DNAH9: variants seen among roughly 807,000 people sequenced by gnomAD.
DNAH9 encodes the protein DNAH9 variant protein.
In DNAH9, 345 loss-of-function variants were observed where a neutral mutation model predicts 471.6. The ratio of observed to expected loss-of-function variants is 0.73; its 90% CI spans 0.67 to 0.80. DNAH9 has a LOEUF of 0.80. Among genes scored for constraint, DNAH9 ranks in the 30% least tolerant of loss-of-function variants. The probability of loss-of-function intolerance (pLI) is 0.00; values close to 1 mark genes in which losing one functional copy is unlikely to be tolerated. For synonymous variants in DNAH9, 2,093 were observed against 2,123.6 expected (o/e 0.99, Z 0.40); for missense variants, 5,407 against 5,609.2 (o/e 0.96, Z 1.15).
At position 11,930,068 on chromosome 17, in the gene DNAH9, A is replaced by T. The variant is rs775867493; in HGVS notation, c.12080A>T (p.His4027Leu). The change falls in exon 63 of 69, where the codon CAC (histidine) becomes CTC (leucine). Residue 4027 changes from histidine to leucine, a missense_variant. His to Leu is a moderately conservative substitution (Grantham distance 99). Coordinates refer to ENST00000262442, the MANE Select transcript of DNAH9 (RefSeq NM_001372.4). ...CCCACGGGCATGCATGCCAACCTGC[A>T]CAAGGCCCTGGACAACTTCACTCAG... ...EPPTGMHANL[H>L]KALDNFTQDT... 1 of 1,614,138 alleles carries T rather than the reference A, an allele frequency of 6.2e-7. No homozygotes were observed. The highest frequency in any genetic ancestry group is 2.2e-5 in the East Asian group (1 of 44,866).
intron 11 of DNAH9, among the ~76,000 whole-genome samples, chr17:11,646,684 C>T (rs979251062): frequency 7.9e-5 from 12 of 152,080 alleles, no homozygotes; most frequent in African/African-American, 2.9e-4. Context: ...GAGGCCAAGG[C>T]GGGCAGATCA....
At chr17:11,828,366 G>A (rs1459929674) in intron 48 of DNAH9, among the ~76,000 whole-genome samples, 8 of 151,574 alleles carry the variant, frequency 5.3e-5, no homozygotes, top group East Asian at 1.9e-4. Context: ...CCAGCTACTC[G>A]GGAGGCTTAA....
At chr17:11,760,713 T>C (rs933245207) in intron 35 of DNAH9, among the ~76,000 whole-genome samples, 3 of 151,998 alleles carry the variant, frequency 2.0e-5, no homozygotes, top group Non-Finnish European at 2.9e-5. Flanking sequence ...AGAAACGGAG[T>C]TTCACCATGT....
Position 11,611,696 on chromosome 17 carries a change from G to A in DNAH9, c.820G>A (p.Val274Met). Residue 274 changes from valine to methionine, a missense_variant, in exon 4 of 69, where the codon GTG becomes ATG. Physicochemically the swap from Val to Met is conservative, Grantham distance 21. Coordinates refer to ENST00000262442, the MANE Select transcript of DNAH9 (RefSeq NM_001372.4). ...YIYNQLRTIT[V>M]RGMAKLLDKL... ...CTATAATCAACTGAGAACAATAACG[G>A]TGAGGGGCATGGCCAAGCTCCTGGA... The A allele has an allele frequency of 6.2e-7, 1 of 1,613,896 alleles. No individual in the cohort carries two copies. The highest frequency in any genetic ancestry group is 8.5e-7 in the Non-Finnish European group (1 of 1,179,746).
chr17:11,773,345 AAC>A (rs1180695721), intron 38 of DNAH9, among the ~76,000 whole-genome samples: 1 of 152,188 alleles, frequency 6.6e-6, no homozygotes, highest in Non-Finnish European at 1.5e-5. Flanking sequence ...AAAGGGGAGA[AAC>A]AGCCTAATTG....
chr17:11,822,887 A>C lies in DNAH9; in HGVS notation c.9099A>C (p.Glu3033Asp). 2 of 1,614,262 alleles carry C rather than the reference A, an allele frequency of 1.2e-6. No homozygotes were observed. The highest frequency in any genetic ancestry group is 1.7e-6 in the Non-Finnish European group (2 of 1,180,046). Reference protein sequence around the residue: ...NQTSQSYLSNEQRYNYTTPKS... With the variant: ...NQTSQSYLSNDQRYNYTTPKS... Reference sequence around the variant, plus strand: ...CATCCCAGTCTTATCTGAGCAATGAACAGCGCTACAACTATACAACTCCCA... The same window carrying C: ...CATCCCAGTCTTATCTGAGCAATGACCAGCGCTACAACTATACAACTCCCA... Residue 3033 changes from glutamate (E) to aspartate (D), a missense_variant, in exon 48 of 69, where the codon GAA (glutamate) becomes GAC (aspartate). Coordinates refer to ENST00000262442, the MANE Select transcript of DNAH9 (RefSeq NM_001372.4).
Position 11,937,636 on chromosome 17 carries a change from C to A in DNAH9, c.12660+114C>A. The A allele has an allele frequency of 8.6e-7, 1 of 1,163,826 alleles. No individual in the cohort carries two copies. The highest frequency in any genetic ancestry group is 1.1e-6 in the Non-Finnish European group (1 of 871,348). The allele number at this position is 1,163,826 out of a possible 1,614,324, so 72.1% of individuals were successfully genotyped here. ...TACACAGCATAGACAACACACAAAG[C>A]ACCAACCACCTGCAGCCTGGAGATG... On this transcript the variant is annotated intron_variant, in intron 66 of 68. Coordinates refer to ENST00000262442, the MANE Select transcript of DNAH9 (RefSeq NM_001372.4). This position sits in a 1 kb window ranked among gnomAD's most constrained non-coding sequence, Gnocchi z 4.1.
intron 59 of DNAH9, among the ~76,000 whole-genome samples, chr17:11,901,438 G>A (rs1314259279): frequency 2.0e-5 from 3 of 152,148 alleles, no homozygotes; most frequent in East Asian, 1.9e-4. Flanking sequence ...GCTCACACCC[G>A]TAATCCCAAC....
intron 13 of DNAH9, among the ~76,000 whole-genome samples, chr17:11,652,548 G>A (rs1447734765): frequency 2.0e-5 from 3 of 152,056 alleles, no homozygotes; most frequent in African/African-American, 7.2e-5. Context: ...GCCTCCCAAA[G>A]TGCTGGGATT....
chr17:11,612,620 C>T (rs930310727), intron 4 of DNAH9: 2 of 152,150 alleles, frequency 1.3e-5, no homozygotes, highest in African/African-American at 4.8e-5. Flanking sequence ...ACAAGATCTA[C>T]GCTTATCAAA....
At chr17:11,757,844 C>A (rs1247652107) in intron 35 of DNAH9, 152 bp downstream of exon 35, 3 of 790,512 alleles carry the variant, frequency 3.8e-6, no homozygotes, top group Non-Finnish European at 5.9e-6. Flanking sequence ...AAAGGGGACA[C>A]ACATTAGGAT....
intron 45 of DNAH9, among the ~76,000 whole-genome samples, chr17:11,814,235 A>G (rs1189541145): frequency 6.6e-6 from 1 of 152,158 alleles, no homozygotes; most frequent in Non-Finnish European, 1.5e-5. Context: ...TTAGAGGGAA[A>G]AAAAATCAGA....
intron 48 of DNAH9, among the ~76,000 whole-genome samples, chr17:11,823,444 C>T (rs374906637): frequency 5.9e-5 from 9 of 152,296 alleles, no homozygotes; most frequent in African/African-American, 1.9e-4. Context: ...TCCCTTCCAT[C>T]CTCAAAACCA....
chr17:11,812,867 A>G (rs908158045), intron 45 of DNAH9, among the ~76,000 whole-genome samples: 1 of 152,178 alleles, frequency 6.6e-6, no homozygotes. Flanking sequence ...TTATTTTACT[A>G]AATAATGAGA....
chr17:11,744,942 A>G lies in DNAH9; in HGVS notation c.6257A>G (p.Asp2086Gly), dbSNP rs759632755. 1.9e-6 allele frequency: 3 copies of G among 1,614,054 alleles called. No homozygotes were observed. The East Asian group carries it at 6.7e-5, about 36-fold the overall frequency. Residue 2086 changes from aspartate to glycine, a missense_variant, in exon 31 of 69, where the codon GAC becomes GGC. Coordinates refer to ENST00000262442, the MANE Select transcript of DNAH9 (RefSeq NM_001372.4). The stretch of plus-strand genomic sequence containing the variant: ...AACATCCCCAAGATTGTGACTGATG[A>G]CATGCCCATCTTCATGGGCCTGATC... ...DFNIPKIVTD[D>G]MPIFMGLIGD...
chr17:11,924,304 G>T (rs778600113), intron 62 of DNAH9, among the ~76,000 whole-genome samples: 1 of 152,110 alleles, frequency 6.6e-6, no homozygotes, highest in African/African-American at 2.4e-5. Context: ...TTCATGGCAC[G>T]TTCCTCTGCT....
chr17:11,646,671 T>A (rs2073397678), intron 11 of DNAH9, among the ~76,000 whole-genome samples: 1 of 152,088 alleles, frequency 6.6e-6, no homozygotes. Flanking sequence ...CCCAGCACTT[T>A]AGGAGGCCAA....
At chr17:11,642,268 G>A (rs1028222120) in intron 10 of DNAH9, among the ~76,000 whole-genome samples, 2 of 152,188 alleles carry the variant, frequency 1.3e-5, no homozygotes, top group African/African-American at 4.8e-5. Flanking sequence ...GCCGGGCATG[G>A]TGGCTCACAC....
At chr17:11,812,003 AAAAAAAAAAAAAAAAAAAAAAAAAT>A (rs1969924072) in intron 45 of DNAH9, among the ~76,000 whole-genome samples, 1 of 44,136 alleles carries the variant, frequency 2.3e-5, no homozygotes, top group African/African-American at 1.4e-4. Flanking sequence ...AAAAAAAAAA[AAAAAAAAAAAAAAAAAAAAAAAAAT>A]ATATATATAT....
Sources: gnomAD v4.1 joint callset for allele counts (sites outside exome capture counted in the v4.1 genomes callset) on GRCh38, gnomAD v4.1.1 for gene constraint, Gnocchi (gnomAD v3.1) non-coding constraint, MANE v1.5 for transcripts, NCBI Gene and HGNC (gene_info 2026-07-23, HGNC 2026-07-21) for gene names.